The following SUMF1 variants were observed in gnomAD, a reference collection of about 807,000 sequenced individuals.
SUMF1 encodes the protein sulfatase modifying factor 1.
A neutral mutation model predicts 47.6 loss-of-function variants in SUMF1; 48 were observed. The observed-to-expected ratio is 1.01, with a 90% confidence interval of 0.80 to 1.28. SUMF1 has a LOEUF of 1.28. Among genes scored for constraint, SUMF1 ranks in the 50% most tolerant of loss-of-function variants. The pLI is 0.00. For missense variants in SUMF1, 571 were observed against 485.4 expected (o/e 1.18, Z -1.66); for synonymous variants, 230 against 192.1 (o/e 1.20, Z -1.63).
At chr3:4,237,961 T>C (rs1696447319) in intron 8 of SUMF1, among the ~76,000 whole-genome samples, 1 of 151,906 alleles carries the variant, frequency 6.6e-6, no homozygotes, top group Admixed American at 6.6e-5. Context: ...CCCCAGTGTG[T>C]AATGTTCCCC....
At chr3:4,243,472 C>G (rs1371356401) in intron 8 of SUMF1, among the ~76,000 whole-genome samples, 1 of 152,188 alleles carries the variant, frequency 6.6e-6, no homozygotes, top group East Asian at 1.9e-4. Flanking sequence ...TCTTTGTTCT[C>G]ATTGGTTTCA....
intron 3 of SUMF1, among the ~76,000 whole-genome samples, chr3:4,445,805 A>T (rs1702761801): frequency 6.6e-6 from 1 of 152,248 alleles, no homozygotes; most frequent in Non-Finnish European, 1.5e-5. Context: ...AGTGGGTCAT[A>T]TGAATGCTCA....
At chr3:4,292,638 G>T (rs1206037419) in intron 8 of SUMF1, among the ~76,000 whole-genome samples, 1 of 152,146 alleles carries the variant, frequency 6.6e-6, no homozygotes, top group African/African-American at 2.4e-5. Flanking sequence ...TAGAGCAGAT[G>T]GCTGGATTAA....
intron 5 of SUMF1, among the ~76,000 whole-genome samples, chr3:4,417,651 T>C (rs1283522261): frequency 6.6e-6 from 1 of 152,240 alleles, no homozygotes; most frequent in African/African-American, 2.4e-5. Context: ...TTCTGTCTCA[T>C]GGCTCTAGAA....
intron 8 of SUMF1, among the ~76,000 whole-genome samples, chr3:4,195,427 G>T (rs1695407200): frequency 6.6e-6 from 1 of 152,030 alleles, no homozygotes; most frequent in Admixed American, 6.6e-5. Flanking sequence ...TACAATGTTG[G>T]TCAACAAGGC....
chr3:4,289,217 G>C (rs1697693790), intron 8 of SUMF1, among the ~76,000 whole-genome samples: 1 of 152,240 alleles, frequency 6.6e-6, no homozygotes, highest in Non-Finnish European at 1.5e-5. Context: ...TGAAAGAGCA[G>C]CTGGAGGCCA....
chr3:4,192,165 C>T (rs1308066850), intron 8 of SUMF1, among the ~76,000 whole-genome samples: 2 of 152,006 alleles, frequency 1.3e-5, no homozygotes, highest in Non-Finnish European at 2.9e-5. Flanking sequence ...TTTCTAGGCA[C>T]AGTAAGGCAG....
intron 8 of SUMF1, among the ~76,000 whole-genome samples, chr3:4,251,129 G>A (rs1696792872): frequency 6.6e-6 from 1 of 152,206 alleles, no homozygotes; most frequent in Non-Finnish European, 1.5e-5. Flanking sequence ...GAACATTCAT[G>A]ATGCATGGAA....
chr3:4,049,158 C>T (rs745649887), intron 9 of SUMF1, among the ~76,000 whole-genome samples: 5 of 152,192 alleles, frequency 3.3e-5, no homozygotes, highest in Admixed American at 6.5e-5. Context: ...ACTTGCACTA[C>T]ACAGACATTG....
At chr3:4,230,339 A>G (rs1196926954) in intron 8 of SUMF1, among the ~76,000 whole-genome samples, 4 of 152,158 alleles carry the variant, frequency 2.6e-5, no homozygotes, top group South Asian at 2.1e-4. Flanking sequence ...GCCCACAATC[A>G]TAAGTGCCAA....
intron 8 of SUMF1, among the ~76,000 whole-genome samples, chr3:4,171,584 GA>G: frequency 6.6e-6 from 1 of 152,282 alleles, no homozygotes; most frequent in South Asian, 2.1e-4. Context: ...ATTCTTAGGA[GA>G]ATCTGAATGT....
intron 8 of SUMF1, among the ~76,000 whole-genome samples, chr3:4,241,954 T>G (rs926453834): frequency 6.6e-6 from 1 of 152,148 alleles, no homozygotes; most frequent in Admixed American, 6.5e-5. Context: ...CTTCTTACTA[T>G]GCAAATGGGC....
chr3:4,192,037 C>A (rs1410122183), intron 8 of SUMF1, among the ~76,000 whole-genome samples: 1 of 151,926 alleles, frequency 6.6e-6, no homozygotes, highest in Non-Finnish European at 1.5e-5. Flanking sequence ...GGCCAGTGGA[C>A]AAAAATGGCA....
intron 7 of SUMF1, among the ~76,000 whole-genome samples, chr3:4,401,033 C>T (rs1701195180): frequency 7.2e-6 from 1 of 139,198 alleles, no homozygotes; most frequent in Non-Finnish European, 1.5e-5. Context: ...TCTCATTGTT[C>T]AACTCCCACC....
intron 8 of SUMF1, among the ~76,000 whole-genome samples, chr3:4,248,820 C>A (rs1205165281): frequency 1.3e-5 from 2 of 152,182 alleles, no homozygotes; most frequent in Non-Finnish European, 2.9e-5. Context: ...ATGAGAGCAA[C>A]ATGTTCCTAG....
intron 7 of SUMF1, among the ~76,000 whole-genome samples, chr3:4,400,930 C>T (rs1281867007): frequency 2.0e-5 from 3 of 151,798 alleles, no homozygotes; most frequent in Non-Finnish European, 2.9e-5. Context: ...TTGTCATTTA[C>T]ATTAGGTATT....
intron 8 of SUMF1, among the ~76,000 whole-genome samples, chr3:4,272,454 C>A (rs1697324007): frequency 6.6e-6 from 1 of 152,146 alleles, no homozygotes; most frequent in Admixed American, 6.5e-5. Flanking sequence ...CTGTCCATGG[C>A]CCTGGACAAG....
intron 8 of SUMF1, among the ~76,000 whole-genome samples, chr3:4,355,801 T>G (rs1221378063): frequency 6.6e-6 from 1 of 152,188 alleles, no homozygotes. Context: ...TGGAATCGCC[T>G]TCTTCCCTGA....
At chr3:4,044,123 T>A (rs911763450) in intron 9 of SUMF1, among the ~76,000 whole-genome samples, 1 of 152,170 alleles carries the variant, frequency 6.6e-6, no homozygotes, top group African/African-American at 2.4e-5. Context: ...TGTGTCTTCC[T>A]AGGGTGTGAT....
Sources: gnomAD v4.1 joint callset for allele counts (sites outside exome capture counted in the v4.1 genomes callset) on GRCh38, gnomAD v4.1.1 for gene constraint, MANE v1.5 for transcripts, NCBI Gene and HGNC (gene_info 2026-07-23, HGNC 2026-07-21) for gene names.